Variants in KNDC1 observed in about 807,000 individuals in gnomAD.
KNDC1 encodes kinase non-catalytic C-lobe domain-containing protein 1.
In KNDC1, 106 loss-of-function variants were observed where a neutral mutation model predicts 172.8. The observed-to-expected ratio is 0.61, with a 90% CI of 0.52 to 0.72. The LOEUF (loss-of-function observed/expected upper bound fraction) is 0.72, where lower values mean the gene tolerates loss of function less well. Ranked by LOEUF, KNDC1 falls within the 30% of genes least tolerant of loss-of-function variation. KNDC1 has a pLI of 0.00. For synonymous variants in KNDC1, 1,083 were observed against 1,062.2 expected (o/e 1.02, Z -0.38); for missense variants, 2,325 against 2,394.5 (o/e 0.97, Z 0.61).
chr10:133,209,344 G>T lies in KNDC1; in HGVS notation c.3795-1267G>T, dbSNP rs1009182011. ...TGTGCACGTGTGTGCTGTGCGGTGT[G>T]GGGTATAGTGTGTGCACATGTGGTG... is the stretch of plus-strand genomic sequence containing the variant. On this transcript the variant is annotated intron_variant, in intron 20 of 29. Transcript: ENST00000304613. This position sits in a 1 kb window ranked among gnomAD's most constrained non-coding sequence, Gnocchi z 4.9. Among the ~76,000 whole-genome samples, 3 of 151,474 alleles carry T rather than the reference G, an allele frequency of 2.0e-5. No individual in the cohort carries two copies. The highest frequency in any genetic ancestry group is 7.3e-5 in the African/African-American group (3 of 41,118).
rs560605554 is a variant in KNDC1 at position 133,212,331 on chromosome 10, C to T, written c.4237-385C>T. ...CATCCACACGTGCACACTCACATAC[C>T]CCCTCCATGTTCCCGGTCCCAGGCA... On this transcript the variant is annotated intron_variant, in intron 23 of 29. Transcript: ENST00000304613. Among the ~76,000 whole-genome samples, 6 of 152,346 alleles carry T rather than the reference C, an allele frequency of 3.9e-5. 1 individual carries two copies. In the South Asian group the frequency reaches 1.0e-3, roughly 26 times the overall value.
intron 21 of KNDC1, 88 bp downstream of exon 21, chr10:133,210,812 A>C: frequency 9.0e-7 from 1 of 1,107,952 alleles, no homozygotes; most frequent in Non-Finnish European, 1.4e-6. Flanking sequence ...ACCATGAAGA[A>C]CGAGGTGGTC....
rs1229786376 is a variant in KNDC1 at position 133,209,361 on chromosome 10, CAT to C, written c.3795-1249_3795-1248del. ...TGCGGTGTGGGGTATAGTGTGTGCACATGTGGTGTGAGGTATAGTGTGGCATG... is the reference window on the plus strand; with the variant it reads ...TGCGGTGTGGGGTATAGTGTGTGCACGTGGTGTGAGGTATAGTGTGGCATG... On this transcript the variant is annotated intron_variant, in intron 20 of 29. Transcript: ENST00000304613. The surrounding 1 kb of genome is among the most constrained non-coding windows in gnomAD (Gnocchi z 4.9). Among the ~76,000 whole-genome samples the C allele has an allele frequency of 1.4e-5, 2 of 146,494 alleles. No individual in the cohort carries two copies. The highest frequency in any genetic ancestry group is 1.4e-4 in the Admixed American group (2 of 14,734).
At chr10:133,193,725 G>T (rs1425505292) in intron 9 of KNDC1, among the ~76,000 whole-genome samples, 1 of 152,170 alleles carries the variant, frequency 6.6e-6, no homozygotes, top group African/African-American at 2.4e-5. Flanking sequence ...AGTTAAAAGA[G>T]TTGAAAAAGA....
Position 133,186,617 on chromosome 10 carries a change from G to A in KNDC1, c.1269G>A (p.Arg423=), listed in dbSNP as rs746345911. 4 of 1,597,238 alleles carry A rather than the reference G, an allele frequency of 2.5e-6. No individual in the cohort carries two copies. Among genetic ancestry groups the A allele is most frequent in the African/African-American group, 2.7e-5 (2 of 74,638 alleles). Residue 423 remains arginine, a synonymous_variant, in exon 6 of 30, where the codon AGG becomes AGA. Coordinates refer to ENST00000304613, the MANE Select transcript of KNDC1 (RefSeq NM_152643.8). ...RDASGEAQTP[R]DDERIPEGAR... ...CTAGCGGTGAAGCCCAGACTCCCAGGGACGATGAGAGAATTCCAGAAGGAG... is the reference window on the plus strand; with the variant it reads ...CTAGCGGTGAAGCCCAGACTCCCAGAGACGATGAGAGAATTCCAGAAGGAG...
At chr10:133,212,989 A>G (rs1845402348) in intron 24 of KNDC1, 67 bp downstream of exon 24, 8 of 1,382,230 alleles carry the variant, frequency 5.8e-6, no homozygotes, top group Non-Finnish European at 8.0e-6. Context: ...CTCCGCGCCC[A>G]TAGGGCCCTC....
At chr10:133,213,863 G>T in intron 25 of KNDC1, 109 bp from the exon 26 acceptor site, 1 of 1,477,340 alleles carries the variant, frequency 6.8e-7, no homozygotes, top group Non-Finnish European at 9.4e-7. Context: ...TCTGCCAGTT[G>T]GAGCGGCCTC....
At position 133,195,794 on chromosome 10, in the gene KNDC1, G is replaced by A; in HGVS notation, c.1707G>A (p.Glu569=). ...LLDMARRSAP[E]RPSAAEAIKV... ...ACATGGCCAGGCGCAGTGCCCCGGA[G>A]CGGCCGTCCGCGGCTGAGGCCATCA... Residue 569 remains glutamate, a synonymous_variant, in exon 10 of 30, where the codon GAG becomes GAA. Coordinates refer to ENST00000304613, the MANE Select transcript of KNDC1 (RefSeq NM_152643.8). The A allele has an allele frequency of 6.3e-7, 1 of 1,577,818 alleles. No individual in the cohort carries two copies.
intron 17 of KNDC1, among the ~76,000 whole-genome samples, chr10:133,203,065 A>C (rs1854420674): frequency 6.6e-6 from 1 of 150,764 alleles, no homozygotes. Context: ...CGGCCCCCAA[A>C]CTGGCAGAGT....
chr10:133,218,096 C>T (rs1197226693), intron 26 of KNDC1, among the ~76,000 whole-genome samples: 4 of 151,288 alleles, frequency 2.6e-5, no homozygotes, highest in Non-Finnish European at 5.9e-5. Context: ...CGGGGCATGG[C>T]GTCCAGCTGG....
chr10:133,186,779 C>G, intron 6 of KNDC1, 105 bp downstream of exon 6: 1 of 764,488 alleles, frequency 1.3e-6, no homozygotes, highest in African/African-American at 1.7e-5. Flanking sequence ...AGAGAATTAA[C>G]CTTCACCCTC....
At position 133,189,647 on chromosome 10, in the gene KNDC1, C is replaced by T; in HGVS notation, c.1491C>T (p.Leu497=). ...TGGTTGCTGAGGACGGGGCTGTGCT[C>T]TTCCAGCCACCCCCTGCCAACGGTG... ...SVLVAEDGAV[L]FQPPPANGSY... Residue 497 remains leucine (L), a synonymous_variant, in exon 8 of 30, where the codon CTC becomes CTT. Transcript: ENST00000304613. 6.2e-6 allele frequency: 10 copies of T among 1,613,896 alleles called. No homozygotes were observed. Among genetic ancestry groups the T allele is most frequent in the Non-Finnish European group, 8.5e-6 (10 of 1,179,994 alleles).
intron 3 of KNDC1, among the ~76,000 whole-genome samples, chr10:133,182,997 C>T (rs1439018779): frequency 3.9e-5 from 5 of 127,996 alleles, no homozygotes; most frequent in Non-Finnish European, 8.4e-5. Flanking sequence ...GGCGTGGGCA[C>T]AGGCGGCAAG....
chr10:133,188,725 C>T, intron 7 of KNDC1, 72 bp downstream of exon 7: 1 of 628,422 alleles, frequency 1.6e-6, no homozygotes, highest in East Asian at 4.7e-5. Context: ...CACCGCCGTC[C>T]CACACCCCCG....
At chr10:133,167,323 G>T (rs1853197400) in intron 1 of KNDC1, 58 bp from the exon 2 acceptor site, 5 of 1,484,060 alleles carry the variant, frequency 3.4e-6, no homozygotes, top group Non-Finnish European at 4.5e-6. Flanking sequence ...TCTCGGTGGG[G>T]GTGCCGGGGC....
intron 6 of KNDC1, among the ~76,000 whole-genome samples, chr10:133,187,954 T>TCCACC: frequency 1.7e-5 from 1 of 60,190 alleles, no homozygotes; most frequent in Non-Finnish European, 2.9e-5. Context: ...CGTCCCACCC[T>TCCACC]TCCCCTCCAT....
rs1157591676 is a variant in KNDC1, at chr10:133,183,413, C to T, written c.430C>T (p.Pro144Ser). ...GTACGTGGCAGAGCCCACACTGGAA[C>T]CCAGGCTGAGCCAAGACCTCGAGGC... ...LEYVAEPTLE[P>S]RLSQDLEALL... Residue 144 changes from proline (P) to serine (S), a missense_variant, in exon 4 of 30, where the codon CCC becomes TCC. Transcript: ENST00000304613. 1.9e-6 allele frequency: 3 copies of T among 1,603,980 alleles called. No homozygotes were observed. The African/African-American group carries it at 4.0e-5, about 21-fold the overall frequency.
At position 133,199,180 on chromosome 10, in the gene KNDC1, C is replaced by G; in HGVS notation, c.2672C>G (p.Pro891Arg). ...CCACTCCCAGGGAGGACGGCCTGCC[C>G]GTCGCTGCAGGAGGCCACGCGCCTC... ...ASPLPGRTAC[P>R]SLQEATRLIQ... The change falls in exon 14 of 30, where the codon CCG becomes CGG. Residue 891 changes from proline (P) to arginine (R), a missense_variant. Transcript: ENST00000304613. 2 of 1,595,916 alleles carry G rather than the reference C, an allele frequency of 1.3e-6. No individual in the cohort carries two copies. The highest frequency in any genetic ancestry group is 1.7e-6 in the Non-Finnish European group (2 of 1,172,042).
intron 9 of KNDC1, 120 bp from the exon 10 acceptor site, chr10:133,195,543 G>T: frequency 1.1e-6 from 1 of 943,944 alleles, no homozygotes. Flanking sequence ...GGGTCTTGAG[G>T]AGAGCCCCTC....
Sources: gnomAD v4.1 joint callset for allele counts (sites outside exome capture counted in the v4.1 genomes callset) on GRCh38, gnomAD v4.1.1 for gene constraint, Gnocchi (gnomAD v3.1) non-coding constraint, MANE v1.5 for transcripts, NCBI Gene and HGNC (gene_info 2026-07-23, HGNC 2026-07-21) for gene names.